The following PLPP4 variants were observed in gnomAD, a reference collection of about 807,000 sequenced individuals.
PLPP4 encodes the protein diacylglycerol pyrophosphate like 2.
PLPP4 carries 20 observed loss-of-function variants against 32.2 expected under a neutral mutation model. That is an observed-to-expected ratio of 0.62 (90% confidence interval 0.44 to 0.90). PLPP4 has a LOEUF of 0.90. PLPP4 is among the 40% of genes least tolerant of loss of function. PLPP4 has a pLI of 0.00. For missense variants in PLPP4, 257 were observed against 353.1 expected (o/e 0.73, Z 2.18); for synonymous variants, 127 against 133.0 (o/e 0.95, Z 0.31).
chr10:120,469,373 G>A (rs1215677085), intron 1 of PLPP4, among the ~76,000 whole-genome samples: 3 of 151,902 alleles, frequency 2.0e-5, no homozygotes, highest in South Asian at 2.1e-4. Flanking sequence ...GACTACAGGC[G>A]CCCGCCACCA....
intron 6 of PLPP4, among the ~76,000 whole-genome samples, chr10:120,576,718 C>T (rs1299390317): frequency 1.3e-5 from 2 of 152,166 alleles, no homozygotes; most frequent in African/African-American, 4.8e-5. Context: ...TGGGGGAGGT[C>T]AGAAGAGGGT....
intron 5 of PLPP4, among the ~76,000 whole-genome samples, chr10:120,554,670 G>T (rs1326168191): frequency 3.9e-5 from 6 of 152,132 alleles, no homozygotes; most frequent in Non-Finnish European, 8.8e-5. Context: ...GAGCATGACG[G>T]GGAGGTCTCA....
chr10:120,462,133 C>T lies in PLPP4; in HGVS notation c.56+4772C>T, dbSNP rs116588284. Among the ~76,000 whole-genome samples the T allele has an allele frequency of 8.2e-3, 1,250 of 152,156 alleles. 21 individuals are homozygous for T. The highest frequency in any genetic ancestry group is 0.028 in the African/African-American group (1,153 of 41,510). On this transcript the variant is annotated intron_variant, in intron 1 of 6. Coordinates refer to ENST00000398250, the MANE Select transcript of PLPP4 (RefSeq NM_001030059.3). The stretch of plus-strand genomic sequence containing the variant: ...GAATGCCAGGTGTACAGGTCCTAGG[C>T]CCAAGGACATTCCTGCAGGGCAAAG...
chr10:120,566,715 C>G (rs1225066220), intron 5 of PLPP4, among the ~76,000 whole-genome samples: 1 of 151,990 alleles, frequency 6.6e-6, no homozygotes, highest in African/African-American at 2.4e-5. Context: ...CCACCACGCC[C>G]GGCTAATTTT....
intron 5 of PLPP4, among the ~76,000 whole-genome samples, chr10:120,547,774 C>T (rs1355733946): frequency 6.6e-6 from 1 of 152,114 alleles, no homozygotes; most frequent in Admixed American, 6.6e-5. Flanking sequence ...AGTTCATAGG[C>T]ATTGGAATAG....
chr10:120,488,996 T>C (rs907836971), intron 1 of PLPP4, among the ~76,000 whole-genome samples: 3 of 152,222 alleles, frequency 2.0e-5, no homozygotes, highest in African/African-American at 7.2e-5. Context: ...TAGCAGCTTC[T>C]TGGCAGGTAA....
intron 1 of PLPP4, among the ~76,000 whole-genome samples, chr10:120,500,955 C>T (rs2420721): frequency 0.18 from 27,529 of 151,996 alleles, 3,456 homozygotes; most frequent in African/African-American, 0.35. Context: ...TAGTCATCTC[C>T]AGTATCACTG....
intron 1 of PLPP4, among the ~76,000 whole-genome samples, chr10:120,485,967 G>A (rs1487685666): frequency 6.6e-6 from 1 of 152,176 alleles, no homozygotes; most frequent in Non-Finnish European, 1.5e-5. Flanking sequence ...GATATTCTTG[G>A]TCTGCTCTGG....
At chr10:120,583,634 T>C (rs1010594802) in intron 6 of PLPP4, among the ~76,000 whole-genome samples, 1 of 152,216 alleles carries the variant, frequency 6.6e-6, no homozygotes. Flanking sequence ...ACCACTGATC[T>C]ACTTTTTATC....
Position 120,504,218 on chromosome 10 carries a change from C to T in PLPP4, c.165+292C>T, listed in dbSNP as rs140819786. 9.5e-4 allele frequency among the ~76,000 whole-genome samples: 145 copies of T among 152,304 alleles called. No individual in the cohort carries two copies. In the Middle Eastern group the frequency reaches 0.017, roughly 18 times the overall value. On this transcript the variant is annotated intron_variant, in intron 2 of 6. Transcript: ENST00000398250. ...TACTTTCTGGAGAAAGGGTGCTCAT[C>T]GCAGATGGAACAATGGCGGGAACAT...
chr10:120,581,569 ACT>A (rs1849513214), intron 6 of PLPP4, among the ~76,000 whole-genome samples: 1 of 152,182 alleles, frequency 6.6e-6, no homozygotes, highest in Non-Finnish European at 1.5e-5. Flanking sequence ...TGTTCAAGCT[ACT>A]TGTCCTCCTC....
At chr10:120,519,917 C>CATGG (rs1846082254) in intron 4 of PLPP4, among the ~76,000 whole-genome samples, 1 of 152,202 alleles carries the variant, frequency 6.6e-6, no homozygotes, top group African/African-American at 2.4e-5. Flanking sequence ...GGCAGTAAAG[C>CATGG]ATGGGGTGAA....
At chr10:120,581,150 T>C (rs148226031) in intron 6 of PLPP4, 1 of 985,428 alleles carries the variant, frequency 1.0e-6, no homozygotes. Flanking sequence ...GCCTCCAGGA[T>C]AGCCCTGGTG....
At position 120,520,981 on chromosome 10, in the gene PLPP4, G is replaced by A. The variant is rs777638028; in HGVS notation, c.331G>A (p.Asp111Asn). The A allele has an allele frequency of 8.6e-5, 138 of 1,613,770 alleles. No individual in the cohort carries two copies. Among genetic ancestry groups the A allele is most frequent in the Non-Finnish European group, 1.1e-4 (127 of 1,179,950 alleles). Residue 111 changes from aspartate (D) to asparagine (N), a missense_variant, in exon 5 of 7, where the codon GAT becomes AAT. Physicochemically the swap from Asp to Asn is conservative, Grantham distance 23. Coordinates refer to ENST00000398250, the MANE Select transcript of PLPP4 (RefSeq NM_001030059.3). The stretch of plus-strand genomic sequence containing the variant: ...TGGTGTCTTTTGTAGACCTCGCCCC[G>A]ATTTCTTTTACCGCTGCTTTCCAGA... ...IKLIVGRPRP[D>N]FFYRCFPDGV...
intron 2 of PLPP4, among the ~76,000 whole-genome samples, chr10:120,513,085 G>T: frequency 6.6e-6 from 1 of 152,106 alleles, no homozygotes; most frequent in Admixed American, 6.5e-5. Context: ...TTATATGGTT[G>T]GTGGAAGGTT....
At chr10:120,508,243 G>C (rs1363043474) in intron 2 of PLPP4, among the ~76,000 whole-genome samples, 1 of 152,116 alleles carries the variant, frequency 6.6e-6, no homozygotes, top group Non-Finnish European at 1.5e-5. Flanking sequence ...TAATTTTTAG[G>C]CTCTTTTTAA....
rs749979203 is a variant in PLPP4, at chr10:120,503,839, G to A, written c.78G>A (p.Pro26=). 18 of 1,613,562 alleles carry A rather than the reference G, an allele frequency of 1.1e-5. No individual in the cohort carries two copies. Among genetic ancestry groups the A allele is most frequent in the South Asian group, 7.7e-5 (7 of 91,044 alleles). Residue 26 remains proline, a synonymous_variant, in exon 2 of 7, where the codon CCG becomes CCA. Coordinates refer to ENST00000398250, the MANE Select transcript of PLPP4 (RefSeq NM_001030059.3). ...TCAGTTTTACAGAGTTTTTGGATCC[G>A]TTCCAGAGAGTCATCCAGCCAGAAG... The part of the protein sequence containing the change: ...GVFVFTEFLD[P]FQRVIQPEEI...
chr10:120,490,472 T>A (rs545668800), intron 1 of PLPP4, among the ~76,000 whole-genome samples: 1 of 152,384 alleles, frequency 6.6e-6, no homozygotes, highest in East Asian at 1.9e-4. Flanking sequence ...GCTCAGCCAC[T>A]GAGCAGATAG....
intron 5 of PLPP4, among the ~76,000 whole-genome samples, chr10:120,568,734 A>AT (rs1848798851): frequency 6.6e-6 from 1 of 152,184 alleles, no homozygotes; most frequent in African/African-American, 2.4e-5. Context: ...GTTTCAGATC[A>AT]TTGTGGCATA....
Sources: allele counts gnomAD v4.1 joint callset (sites outside exome capture counted in the v4.1 genomes callset), GRCh38; gene constraint gnomAD v4.1.1; transcripts MANE v1.5; gene names NCBI Gene and HGNC (gene_info 2026-07-23, HGNC 2026-07-21).